ST6GAL1: variants seen among roughly 807,000 people sequenced by gnomAD.
ST6GAL1 encodes beta-galactoside alpha-2,6-sialyltransferase 1.
Under a neutral mutation model 38.0 loss-of-function variants are expected in ST6GAL1, and 20 were observed. The ratio of observed to expected loss-of-function variants is 0.53; its 90% confidence interval spans 0.37 to 0.77. The LOEUF is 0.77. Ranked by LOEUF, ST6GAL1 falls within the 30% of genes least tolerant of loss-of-function variation. The probability of loss-of-function intolerance (pLI) is 0.00; values close to 1 mark genes in which losing one functional copy is unlikely to be tolerated. For missense variants in ST6GAL1, 432 were observed against 496.4 expected (o/e 0.87, Z 1.23); for synonymous variants, 196 against 188.2 (o/e 1.04, Z -0.34).
chr3:187,042,204 CT>C (rs1417192334), intron 3 of ST6GAL1, among the ~76,000 whole-genome samples: 1 of 151,114 alleles, frequency 6.6e-6, no homozygotes, highest in African/African-American at 2.4e-5. Flanking sequence ...AGTCAGCCTG[CT>C]TTTTTTTATT....
At chr3:187,025,261 T>G (rs1717493362) in intron 2 of ST6GAL1, among the ~76,000 whole-genome samples, 1 of 152,126 alleles carries the variant, frequency 6.6e-6, no homozygotes, top group African/African-American at 2.4e-5. Context: ...TTTAAATTAC[T>G]CCAAGAAAAA....
At chr3:187,036,202 T>C (rs7623257) in intron 2 of ST6GAL1, among the ~76,000 whole-genome samples, 2,498 of 152,224 alleles carry the variant, frequency 0.016, 69 homozygotes, top group African/African-American at 0.055. Flanking sequence ...CACAGTGAGA[T>C]ACCCCCTCAC....
intron 1 of ST6GAL1, among the ~76,000 whole-genome samples, chr3:186,944,101 TA>T: frequency 1.3e-5 from 2 of 152,360 alleles, no homozygotes; most frequent in East Asian, 3.9e-4. Flanking sequence ...CCTTCCTTTT[TA>T]TCCAGCCAAT....
intron 4 of ST6GAL1, among the ~76,000 whole-genome samples, chr3:187,049,266 G>A (rs1470934242): frequency 6.6e-6 from 1 of 152,212 alleles, no homozygotes; most frequent in Non-Finnish European, 1.5e-5. Context: ...GCCAGGAGAA[G>A]CAGTGGCATT....
intron 5 of ST6GAL1, among the ~76,000 whole-genome samples, chr3:187,066,601 C>CGTGTGTGTGTGTGT (rs3055152): frequency 7.4e-5 from 11 of 148,834 alleles, no homozygotes; most frequent in Admixed American, 2.7e-4. Context: ...TGCGTGCGTG[C>CGTGTGTGTGTGTGT]GTGTGTGTGT....
At chr3:186,983,890 C>G (rs55732970) in intron 2 of ST6GAL1, among the ~76,000 whole-genome samples, 14,859 of 152,102 alleles carry the variant, frequency 0.098, 769 homozygotes, top group South Asian at 0.14. Flanking sequence ...ATCCGAAAAG[C>G]TCTCATGCTG....
At chr3:187,012,244 T>G (rs1413132443) in intron 2 of ST6GAL1, among the ~76,000 whole-genome samples, 1 of 151,550 alleles carries the variant, frequency 6.6e-6, no homozygotes, top group Non-Finnish European at 1.5e-5. Context: ...CTGTATTTAC[T>G]GCATTTTTTT....
At chr3:186,960,158 C>A (rs1055510509) in intron 1 of ST6GAL1, among the ~76,000 whole-genome samples, 3 of 152,232 alleles carry the variant, frequency 2.0e-5, no homozygotes, top group Non-Finnish European at 4.4e-5. Context: ...GGTACACTTA[C>A]TTGAAGGAAA....
chr3:187,012,060 A>G (rs1021766550), intron 2 of ST6GAL1, among the ~76,000 whole-genome samples: 3 of 152,070 alleles, frequency 2.0e-5, no homozygotes, highest in East Asian at 3.9e-4. Context: ...CAGGACTCAC[A>G]TCTTCCTCCC....
At chr3:187,045,849 A>T (rs1718274750) in intron 4 of ST6GAL1, among the ~76,000 whole-genome samples, 1 of 152,228 alleles carries the variant, frequency 6.6e-6, no homozygotes, top group Non-Finnish European at 1.5e-5. Flanking sequence ...CAAAGGCAAG[A>T]AGCAAAGGCT....
At chr3:187,066,045 T>C (rs1719105955) in intron 5 of ST6GAL1, among the ~76,000 whole-genome samples, 1 of 152,052 alleles carries the variant, frequency 6.6e-6, no homozygotes. Flanking sequence ...CTTCTCAAGA[T>C]ACTGAAAGAC....
rs1579361535 is a variant in ST6GAL1, at chr3:187,051,485, G to C, written c.705+139G>C. The C allele has an allele frequency of 2.1e-5, 15 of 706,380 alleles. No individual in the cohort carries two copies. In the East Asian group the frequency reaches 3.6e-4, roughly 17 times the overall value. 43.8% of individuals were successfully genotyped at this position (706,380 alleles called of 1,614,324 possible). ...CCTGAGTTCCTGATTCCTCACTGGA[G>C]AAGAAGACAATGATTCCATGACCCA... On this transcript the variant is annotated intron_variant, in intron 5 of 7. Transcript: ENST00000169298.
intron 3 of ST6GAL1, 37 bp from the exon 4 acceptor site, chr3:187,042,617 T>C: frequency 2.0e-6 from 3 of 1,519,662 alleles, no homozygotes; most frequent in Non-Finnish European, 2.6e-6. Context: ...GGGTTTTTCT[T>C]TACATCATTT....
chr3:186,987,315 G>C (rs560348795), intron 2 of ST6GAL1, among the ~76,000 whole-genome samples: 1 of 152,086 alleles, frequency 6.6e-6, no homozygotes, highest in South Asian at 2.1e-4. Flanking sequence ...CTGGAACTAC[G>C]CTAGGCACAT....
intron 2 of ST6GAL1, chr3:187,021,781 T>G (rs1253201597): frequency 1.3e-5 from 2 of 148,450 alleles, no homozygotes; most frequent in African/African-American, 4.9e-5. Flanking sequence ...GAGAGGTTCC[T>G]ACCCTATGCC....
At chr3:187,012,608 A>C (rs4012257) in intron 2 of ST6GAL1, among the ~76,000 whole-genome samples, 112,403 of 152,058 alleles carry the variant, frequency 0.74, 42,110 homozygotes, top group East Asian at 0.9. Flanking sequence ...GGCCCAGGCT[A>C]ACAGATGAGG....
intron 2 of ST6GAL1, among the ~76,000 whole-genome samples, chr3:186,965,975 T>G (rs1157688217): frequency 1.3e-5 from 2 of 152,218 alleles, no homozygotes; most frequent in Non-Finnish European, 2.9e-5. Flanking sequence ...CTCAGCTCAC[T>G]GCAACCTCCG....
intron 3 of ST6GAL1, among the ~76,000 whole-genome samples, chr3:187,040,513 C>T (rs1718089888): frequency 6.6e-6 from 1 of 152,202 alleles, no homozygotes; most frequent in African/African-American, 2.4e-5. Context: ...TGGAGAAACC[C>T]TATAACCTTG....
At chr3:187,066,537 C>T (rs1719138316) in intron 5 of ST6GAL1, among the ~76,000 whole-genome samples, 1 of 151,666 alleles carries the variant, frequency 6.6e-6, no homozygotes, top group Admixed American at 6.6e-5. Context: ...AGAGGGAAAA[C>T]AGATTTGAGA....
Sources: gnomAD v4.1 joint callset for allele counts (sites outside exome capture counted in the v4.1 genomes callset) on GRCh38, gnomAD v4.1.1 for gene constraint, MANE v1.5 for transcripts, NCBI Gene and HGNC (gene_info 2026-07-23, HGNC 2026-07-21) for gene names.